Variants in EEFSEC observed in about 807,000 individuals in gnomAD.
EEFSEC encodes selenocysteine-specific elongation factor.
Under a neutral mutation model 42.1 loss-of-function variants are expected in EEFSEC, and 43 were observed. The observed-to-expected ratio is 1.02, with a 90% CI of 0.80 to 1.32. The LOEUF is 1.32. EEFSEC is among the 40% of genes most tolerant of loss of function. EEFSEC has a pLI of 0.00. For synonymous variants in EEFSEC, 354 were observed against 339.1 expected (o/e 1.04, Z -0.48); for missense variants, 745 against 803.6 (o/e 0.93, Z 0.88).
At chr3:128,276,504 G>A (rs1049276571) in intron 4 of EEFSEC, among the ~76,000 whole-genome samples, 1 of 152,082 alleles carries the variant, frequency 6.6e-6, no homozygotes, top group African/African-American at 2.4e-5. Flanking sequence ...TTCCTTATCC[G>A]CAAAACATGG....
intron 2 of EEFSEC, among the ~76,000 whole-genome samples, chr3:128,257,708 G>A (rs2066254820): frequency 6.6e-6 from 1 of 152,164 alleles, no homozygotes; most frequent in Non-Finnish European, 1.5e-5. Flanking sequence ...ATTAAATTAT[G>A]TTGTTACAGT....
chr3:128,391,050 G>A (rs1000556822), intron 6 of EEFSEC, among the ~76,000 whole-genome samples: 5 of 152,382 alleles, frequency 3.3e-5, no homozygotes, highest in Middle Eastern at 3.4e-3. Flanking sequence ...ACACATGGAT[G>A]TGTTGGCATC....
At chr3:128,221,831 G>C (rs2065863345) in intron 1 of EEFSEC, among the ~76,000 whole-genome samples, 1 of 151,898 alleles carries the variant, frequency 6.6e-6, no homozygotes, top group Non-Finnish European at 1.5e-5. Flanking sequence ...GTAAATAAAG[G>C]AATAGAAATT....
intron 1 of EEFSEC, among the ~76,000 whole-genome samples, chr3:128,241,714 G>A (rs921793552): frequency 2.6e-5 from 4 of 152,166 alleles, no homozygotes; most frequent in African/African-American, 9.7e-5. Context: ...GACCACCACT[G>A]TGCATGTCAT....
the EEFSEC span, among the ~76,000 whole-genome samples, chr3:128,423,611 T>A: frequency 6.6e-6 from 1 of 152,246 alleles, no homozygotes; most frequent in Non-Finnish European, 1.5e-5. Context: ...ATTCCATTTA[T>A]GTGAAATGTC....
At chr3:128,343,473 C>T (rs1576655690) in intron 5 of EEFSEC, among the ~76,000 whole-genome samples, 1 of 152,130 alleles carries the variant, frequency 6.6e-6, no homozygotes, top group African/African-American at 2.4e-5. Context: ...GCCGCTGGGG[C>T]CTGCTCAGGG....
rs75104471 is a variant in EEFSEC at position 128,274,338 on chromosome 3, G to A, written c.786+9557G>A. On this transcript the variant is annotated intron_variant, in intron 4 of 6. Transcript: ENST00000254730. ...CGCAGCAAAGAGGAGGAGGAAAGGG[G>A]CAAGCTGCTCTAGAGCACGCACGCA... Among the ~76,000 whole-genome samples the A allele has an allele frequency of 5.4e-3, 825 of 152,350 alleles. 8 individuals are homozygous for A. The highest frequency in any genetic ancestry group is 0.019 in the African/African-American group (782 of 41,576).
intron 1 of EEFSEC, among the ~76,000 whole-genome samples, chr3:128,158,174 C>T (rs1944411664): frequency 6.6e-6 from 1 of 152,178 alleles, no homozygotes; most frequent in Non-Finnish European, 1.5e-5. Flanking sequence ...TGAATTGCTA[C>T]AATCTCATGA....
At chr3:128,257,661 A>G (rs1170170441) in intron 2 of EEFSEC, among the ~76,000 whole-genome samples, 1 of 152,250 alleles carries the variant, frequency 6.6e-6, no homozygotes, top group Non-Finnish European at 1.5e-5. Flanking sequence ...GTTTTCATAG[A>G]AACAGCTATT....
At chr3:128,263,465 C>A (rs1486866320) in intron 3 of EEFSEC, among the ~76,000 whole-genome samples, 1 of 152,344 alleles carries the variant, frequency 6.6e-6, no homozygotes, top group South Asian at 2.1e-4. Context: ...CTGGGTGAGG[C>A]TTTTGTTACT....
rs1322537730 is a variant in EEFSEC, at chr3:128,172,371, A to G, written c.316+18548A>G. 4.6e-5 allele frequency among the ~76,000 whole-genome samples: 7 copies of G among 152,236 alleles called. No individual in the cohort carries two copies. The East Asian group carries it at 1.3e-3, about 29-fold the overall frequency. On this transcript the variant is annotated intron_variant, in intron 1 of 6. Coordinates refer to ENST00000254730, the MANE Select transcript of EEFSEC (RefSeq NM_021937.5). ...CTGGCCTCTCTGAGCCTGTCTGTGC[A>G]CCTCAAATGCAGATGATTATCTCAC...
intron 4 of EEFSEC, among the ~76,000 whole-genome samples, chr3:128,324,867 A>G (rs1385979799): frequency 1.3e-5 from 2 of 152,250 alleles, no homozygotes; most frequent in Non-Finnish European, 2.9e-5. Flanking sequence ...GAAGAAATAG[A>G]AAAATAGAGA....
At chr3:128,419,715 C>T in the EEFSEC span, among the ~76,000 whole-genome samples, 2 of 152,196 alleles carry the variant, frequency 1.3e-5, no homozygotes, top group Non-Finnish European at 2.9e-5. Flanking sequence ...ACCGGCACCT[C>T]CTTGCTCACA....
intron 4 of EEFSEC, among the ~76,000 whole-genome samples, chr3:128,339,971 A>G (rs2067232478): frequency 6.6e-6 from 1 of 152,192 alleles, no homozygotes; most frequent in East Asian, 1.9e-4. Context: ...GCACCCCTAC[A>G]ATTCAATTAT....
chr3:128,185,465 G>T (rs2065456216), intron 1 of EEFSEC, among the ~76,000 whole-genome samples: 1 of 151,182 alleles, frequency 6.6e-6, no homozygotes, highest in Non-Finnish European at 1.5e-5. Flanking sequence ...TTGAGACAGA[G>T]TTTCACTCTT....
At position 128,394,438 on chromosome 3, in the gene EEFSEC, G is replaced by A. The variant is rs1013064073; in HGVS notation, c.1601-13631G>A. 3.3e-5 allele frequency among the ~76,000 whole-genome samples: 5 copies of A among 151,916 alleles called. No individual in the cohort carries two copies. The South Asian group carries it at 6.3e-4, about 19-fold the overall frequency. ...TTTGTTCGCCTTCATTATTCTAGAC[G>A]GTTTTTTTCCCCCACCAAGTCATAA... On this transcript the variant is annotated intron_variant, in intron 6 of 6. Transcript: ENST00000254730.
At chr3:128,383,499 G>T (rs966573319) in intron 6 of EEFSEC, among the ~76,000 whole-genome samples, 4 of 152,228 alleles carry the variant, frequency 2.6e-5, no homozygotes. Flanking sequence ...AGACTAAGGC[G>T]CAGAGAGGTC....
chr3:128,217,994 A>G (rs1404942520), intron 1 of EEFSEC, among the ~76,000 whole-genome samples: 1 of 152,212 alleles, frequency 6.6e-6, no homozygotes, highest in African/African-American at 2.4e-5. Flanking sequence ...GCTCAAGGCC[A>G]CACAGCAGGT....
At chr3:128,318,989 A>G (rs1176423857) in intron 4 of EEFSEC, among the ~76,000 whole-genome samples, 3 of 152,350 alleles carry the variant, frequency 2.0e-5, no homozygotes, top group African/African-American at 7.2e-5. Context: ...AGTCCTGGAC[A>G]GGGTCTGAAT....
Sources: gnomAD v4.1 joint callset for allele counts (sites outside exome capture counted in the v4.1 genomes callset) on GRCh38, gnomAD v4.1.1 for gene constraint, MANE v1.5 for transcripts, NCBI Gene and HGNC (gene_info 2026-07-23, HGNC 2026-07-21) for gene names.